The following FAT1 variants were observed in gnomAD, a reference collection of about 807,000 sequenced individuals.
FAT1 encodes the protein FAT atypical cadherin 1, also known as protocadherin Fat 1.
A neutral mutation model predicts 329.8 loss-of-function variants in FAT1; 171 were observed. The observed-to-expected ratio is 0.52, with a 90% CI of 0.46 to 0.59. The LOEUF is 0.59. FAT1 is among the 20% of genes least tolerant of loss of function. FAT1 has a pLI of 0.00. For synonymous variants in FAT1, 2,233 were observed against 2,228.6 expected (o/e 1.00, Z -0.06); for missense variants, 5,672 against 5,774.4 (o/e 0.98, Z 0.57).
intron 3 of FAT1, among the ~76,000 whole-genome samples, chr4:186,659,409 C>T (rs968741934): frequency 6.6e-6 from 1 of 152,184 alleles, no homozygotes; most frequent in South Asian, 2.1e-4. Flanking sequence ...CACCAGGGTC[C>T]CAAATTCATG....
chr4:186,689,461 GA>G (rs1332291929), intron 2 of FAT1, among the ~76,000 whole-genome samples: 1 of 152,134 alleles, frequency 6.6e-6, no homozygotes, highest in African/African-American at 2.4e-5. Context: ...AACAAAGTCT[GA>G]TTTTAAATTA....
In FAT1 at chr4:186,636,619, C is replaced by T. The variant is rs2126562755; in HGVS notation, c.3938G>A (p.Arg1313Lys). The part of the protein sequence containing the change: ...EPKTGVVSSK[R>K]FSAAGEYDIL... ...ATCATATTCTCCAGCTGCTGAAAAC[C>T]TCTTGGACGAAACCACTCCAGTTTT... is the stretch of plus-strand genomic sequence containing the variant. The change falls in exon 5 of 27, where the codon AGG (arginine) becomes AAG (lysine). Residue 1313 changes from arginine to lysine, a missense_variant. Physicochemically the swap from Arg to Lys is conservative, Grantham distance 26 (BLOSUM62 2). Transcript: ENST00000441802. 1 of 1,613,460 alleles carries T rather than the reference C, an allele frequency of 6.2e-7. No individual in the cohort carries two copies. Among genetic ancestry groups the T allele is most frequent in the Non-Finnish European group, 8.5e-7 (1 of 1,179,694 alleles).
In FAT1 at chr4:186,604,428, T is replaced by C; in HGVS notation, c.10497A>G (p.Thr3499=). ...TCTCCTTCCTCTTGATGGCAGATGA[T>C]GTCAGGAGGACTCCTTGCGGGTTAA... is the stretch of plus-strand genomic sequence containing the variant. ...FEVNPQGVLL[T]SSAIKRKEKD... is the part of the protein sequence containing the mutation. The change falls in exon 18 of 27, where the codon ACA becomes ACG. Residue 3499 remains threonine (T), a synonymous_variant. Coordinates refer to ENST00000441802, the MANE Select transcript of FAT1 (RefSeq NM_005245.4). The C allele has an allele frequency of 1.9e-6, 3 of 1,613,988 alleles. No homozygotes were observed. Among genetic ancestry groups the C allele is most frequent in the Non-Finnish European group, 2.5e-6 (3 of 1,179,868 alleles).
chr4:186,650,755 AG>A (rs959348691), intron 3 of FAT1, among the ~76,000 whole-genome samples: 1 of 152,190 alleles, frequency 6.6e-6, no homozygotes, highest in African/African-American at 2.4e-5. Flanking sequence ...AAGATATGAG[AG>A]GTCAGAGATT....
At chr4:186,626,714 C>G (rs866759171) in intron 9 of FAT1, among the ~76,000 whole-genome samples, 5 of 130,314 alleles carry the variant, frequency 3.8e-5, no homozygotes, top group South Asian at 5.0e-4. Context: ...TTCATCAGCC[C>G]ACAGAATGAA....
chr4:186,617,761 G>C lies in FAT1; in HGVS notation c.8825C>G (p.Thr2942Ser), dbSNP rs558298761. 1.4e-5 allele frequency: 23 copies of C among 1,612,528 alleles called. No homozygotes were observed. Among genetic ancestry groups the C allele is most frequent in the Non-Finnish European group, 1.8e-5 (21 of 1,179,032 alleles). The change falls in exon 10 of 27, where the codon ACC (threonine) becomes AGC (serine). Residue 2942 changes from threonine (T) to serine (S), a missense_variant. Coordinates refer to ENST00000441802, the MANE Select transcript of FAT1 (RefSeq NM_005245.4). ...PQGGVIAILSTTDADSEEINR... is the reference protein window; with the variant it reads ...PQGGVIAILSSTDADSEEINR... ...GATCTCTTCAGAATCAGCATCCGTG[G>C]TACTTAAGATGGCAATCACCCCACC... is the stretch of plus-strand genomic sequence containing the variant.
At chr4:186,679,739 A>C (rs1743127981) in intron 2 of FAT1, among the ~76,000 whole-genome samples, 1 of 152,198 alleles carries the variant, frequency 6.6e-6, no homozygotes, top group African/African-American at 2.4e-5. Flanking sequence ...TTAGAAGATG[A>C]TTTTTGAAAA....
intron 26 of FAT1, chr4:186,590,347 T>C (rs780176415): frequency 3.6e-5 from 46 of 1,284,844 alleles, no homozygotes; most frequent in Non-Finnish European, 4.5e-5. Context: ...TATCAATGAA[T>C]AACTGGCATG....
intron 19 of FAT1, 32 bp from the exon 20 acceptor site, chr4:186,603,066 T>C (rs1392318902): frequency 1.9e-6 from 3 of 1,613,230 alleles, no homozygotes; most frequent in Non-Finnish European, 2.5e-6. Context: ...AGGGAAAAGA[T>C]AATTAACAGA....
Position 186,630,705 on chromosome 4 carries a change from C to G in FAT1, c.4324-1942G>C, listed in dbSNP as rs115132489. Among the ~76,000 whole-genome samples the G allele has an allele frequency of 1.1e-3, 171 of 152,030 alleles. 1 individual carries two copies. The highest frequency in any genetic ancestry group is 4.0e-3 in the African/African-American group (164 of 41,396). The stretch of plus-strand genomic sequence containing the variant: ...AACCTTCCTAAGACCTCCAAAAGGA[C>G]GATTATCACCACCCCCACTTTGTAG... On this transcript the variant is annotated intron_variant, in intron 7 of 26. Transcript: ENST00000441802.
intron 4 of FAT1, among the ~76,000 whole-genome samples, chr4:186,638,996 C>T (rs1377348813): frequency 1.3e-5 from 2 of 149,628 alleles, no homozygotes; most frequent in African/African-American, 2.6e-5. Context: ...CCATGTTACG[C>T]TCCACCTTCC....
rs755899617 is a variant in FAT1 at position 186,620,410 on chromosome 4, G to A, written c.6176C>T (p.Pro2059Leu). The change falls in exon 10 of 27, where the codon CCT (proline) becomes CTT (leucine). Residue 2059 changes from proline to leucine, a missense_variant. Transcript: ENST00000441802. ...CACGACAACGTGGGCCACTGCAGAA[G>A]GCTTATGTTCCTCTGTCACTTCTAC... Reference protein sequence around the residue: ...VVVEVTEEHKPSAVAHVVVKV... With the variant: ...VVVEVTEEHKLSAVAHVVVKV... 5.6e-6 allele frequency: 9 copies of A among 1,613,894 alleles called. No homozygotes were observed. Among genetic ancestry groups the A allele is most frequent in the Admixed American group, 1.7e-5 (1 of 60,006 alleles).
In FAT1 at chr4:186,634,021, C is replaced by G. The variant is rs570445434; in HGVS notation, c.4184-198G>C. On this transcript the variant is annotated intron_variant, in intron 6 of 26. Coordinates refer to ENST00000441802, the MANE Select transcript of FAT1 (RefSeq NM_005245.4). ...TAAGGCAAAGTGAACCCTAATTGTC[C>G]AGGAAGCAACTAACTGAAAGAAAGC... Among the ~76,000 whole-genome samples the G allele has an allele frequency of 1.2e-4, 19 of 152,216 alleles. No individual in the cohort carries two copies. The South Asian group carries it at 3.7e-3, about 30-fold the overall frequency.
At chr4:186,715,956 T>C (rs1745187281) in intron 1 of FAT1, among the ~76,000 whole-genome samples, 1 of 152,132 alleles carries the variant, frequency 6.6e-6, no homozygotes, top group South Asian at 2.1e-4. Flanking sequence ...GTAAAATGCT[T>C]CCATCAATTA....
At position 186,596,535 on chromosome 4, in the gene FAT1, C is replaced by G. The variant is rs2126385914; in HGVS notation, c.13000+5G>C. 6.2e-7 allele frequency: 1 copy of G among 1,607,444 alleles called. No homozygotes were observed. Among genetic ancestry groups the G allele is most frequent in the Non-Finnish European group, 8.5e-7 (1 of 1,177,884 alleles). On this transcript the variant is annotated splice_donor_5th_base_variant and intron_variant, in intron 25 of 26. Transcript: ENST00000441802. This position sits in a 1 kb window ranked among gnomAD's most constrained non-coding sequence, Gnocchi z 4.7. ...ACTTTAGTGAGATGAAAAAGTGGCT[C>G]TTACTGTCATAGTCAAAGTCCCAGC...
intron 2 of FAT1, 107 bp downstream of exon 2, chr4:186,706,456 C>T (rs1167096458): frequency 2.5e-6 from 3 of 1,222,212 alleles, no homozygotes; most frequent in Non-Finnish European, 3.4e-6. Flanking sequence ...CTATACCGAG[C>T]CCAAAGAGCA....
rs1204858527 is a variant in FAT1 at position 186,619,967 on chromosome 4, T to C, written c.6619A>G (p.Asn2207Asp). The change falls in exon 10 of 27, where the codon AAC becomes GAC. Residue 2207 changes from asparagine (N) to aspartate (D), a missense_variant. Around this residue, in one of 2 missense-constraint regions of FAT1, gnomAD observed 3,966 missense variants for 3,915.2 expected, o/e 1.01. Coordinates refer to ENST00000441802, the MANE Select transcript of FAT1 (RefSeq NM_005245.4). ...VHSPVVHVQA[N>D]SPEGLKVFYS... ...AACACTTTCAGGCCTTCCGGGCTGT[T>C]AGCCTGCACGTGGACCACAGGGCTG... The C allele has an allele frequency of 6.2e-7, 1 of 1,614,014 alleles. No homozygotes were observed. Among genetic ancestry groups the C allele is most frequent in the South Asian group, 1.1e-5 (1 of 91,084 alleles).
At chr4:186,633,583 C>T (rs1740688183) in intron 7 of FAT1, 101 bp downstream of exon 7, 2 of 1,283,790 alleles carry the variant, frequency 1.6e-6, no homozygotes, top group African/African-American at 1.5e-5. Context: ...ATTTTAGACC[C>T]TCACAGGGCA....
At position 186,588,582 on chromosome 4, in the gene FAT1, G is replaced by T. The variant is rs770816787; in HGVS notation, c.*10C>A. ...TCACTAAAGTCAGGCACTTTGGGGGGAGTTGAGAGTCAGACTTCCGTGTGC... is the reference window on the plus strand; with the variant it reads ...TCACTAAAGTCAGGCACTTTGGGGGTAGTTGAGAGTCAGACTTCCGTGTGC... On this transcript the variant is annotated 3_prime_UTR_variant, in exon 27 of 27. Coordinates refer to ENST00000441802, the MANE Select transcript of FAT1 (RefSeq NM_005245.4). 1.2e-5 allele frequency: 20 copies of T among 1,602,338 alleles called. No homozygotes were observed. Among genetic ancestry groups the T allele is most frequent in the Non-Finnish European group, 1.6e-5 (19 of 1,174,336 alleles).
Sources: allele counts gnomAD v4.1 joint callset (sites outside exome capture counted in the v4.1 genomes callset), GRCh38; gene constraint gnomAD v4.1.1; regional missense constraint gnomAD v4.1.1; non-coding constraint Gnocchi (gnomAD v3.1); transcripts MANE v1.5; gene names NCBI Gene and HGNC (gene_info 2026-07-23, HGNC 2026-07-21).